Variants in PTPRD observed in about 807,000 individuals in gnomAD.
The protein encoded by PTPRD is protein tyrosine phosphatase receptor type D.
A neutral mutation model predicts 214.5 loss-of-function variants in PTPRD; 34 were observed. That is an observed-to-expected ratio of 0.16 (90% confidence interval 0.12 to 0.21). The LOEUF is 0.21. PTPRD is among the 10% of genes least tolerant of loss of function. The probability of loss-of-function intolerance (pLI) is 1.00; values close to 1 mark genes in which losing one functional copy is unlikely to be tolerated. For synonymous variants in PTPRD, 1,128 were observed against 845.7 expected (o/e 1.33, Z -5.79); for missense variants, 2,545 against 2,398.7 (o/e 1.06, Z -1.27).
At chr9:9,570,312 C>A (rs1338015946) in intron 8 of PTPRD, among the ~76,000 whole-genome samples, 1 of 151,414 alleles carries the variant, frequency 6.6e-6, no homozygotes, top group African/African-American at 2.4e-5. Context: ...CACAGTAATT[C>A]TTCAGTTTCC....
intron 6 of PTPRD, among the ~76,000 whole-genome samples, chr9:9,737,237 C>A (rs2098314862): frequency 6.6e-6 from 1 of 152,108 alleles, no homozygotes; most frequent in African/African-American, 2.4e-5. Flanking sequence ...GTGTGTTCCA[C>A]TGAACAATTT....
At chr9:9,456,755 G>C (rs1448528675) in intron 8 of PTPRD, among the ~76,000 whole-genome samples, 1 of 151,764 alleles carries the variant, frequency 6.6e-6, no homozygotes, top group African/African-American at 2.4e-5. Context: ...TAGATGGGGA[G>C]ACTGAGAAAT....
chr9:8,962,324 C>T (rs1201409718), intron 11 of PTPRD: 1 of 152,076 alleles, frequency 6.6e-6, no homozygotes, highest in Non-Finnish European at 1.5e-5. Context: ...TCTGAACAAC[C>T]CTGACAGAGA....
At chr9:9,744,696 A>G (rs1389086725) in intron 6 of PTPRD, among the ~76,000 whole-genome samples, 1 of 152,054 alleles carries the variant, frequency 6.6e-6, no homozygotes, top group Non-Finnish European at 1.5e-5. Flanking sequence ...ATAAAAGAGT[A>G]AAAGAGTAAA....
At chr9:9,817,659 G>T (rs753498531) in intron 5 of PTPRD, among the ~76,000 whole-genome samples, 1 of 152,018 alleles carries the variant, frequency 6.6e-6, no homozygotes, top group Admixed American at 6.6e-5. Context: ...TCCACCCATT[G>T]TCCACAGGGA....
intron 2 of PTPRD, among the ~76,000 whole-genome samples, chr9:10,387,532 C>T (rs1177458108): frequency 2.6e-5 from 4 of 151,794 alleles, no homozygotes; most frequent in African/African-American, 9.7e-5. Flanking sequence ...GACCTGGCCT[C>T]GCCTTTCCTC....
At chr9:10,339,041 G>C (rs1360443460) in intron 3 of PTPRD, among the ~76,000 whole-genome samples, 1 of 151,716 alleles carries the variant, frequency 6.6e-6, no homozygotes, top group Non-Finnish European at 1.5e-5. Context: ...TTACTTGCAA[G>C]ATCATAGACA....
intron 5 of PTPRD, among the ~76,000 whole-genome samples, chr9:9,798,468 T>C (rs1472881005): frequency 6.6e-6 from 1 of 152,218 alleles, no homozygotes; most frequent in Non-Finnish European, 1.5e-5. Context: ...CAGTTTCCTC[T>C]GTGTCCTTGT....
chr9:10,597,370 G>C (rs772945367), intron 2 of PTPRD, among the ~76,000 whole-genome samples: 3 of 151,682 alleles, frequency 2.0e-5, no homozygotes, highest in Non-Finnish European at 4.4e-5. Context: ...TGCTTCGAAT[G>C]AATATGCTTT....
At chr9:9,331,924 G>A (rs2042459043) in intron 9 of PTPRD, among the ~76,000 whole-genome samples, 1 of 151,956 alleles carries the variant, frequency 6.6e-6, no homozygotes, top group Non-Finnish European at 1.5e-5. Flanking sequence ...GGGGAAGTTT[G>A]GGGAAAATTA....
At position 9,071,226 on chromosome 9, in the gene PTPRD, T is replaced by C. The variant is rs189097876; in HGVS notation, c.-142-52491A>G. ...CTTTCGCCTCTACCCTGAACTTTTA[T>C]ATTCATTCCCTGTGTAATCAATGCT... On this transcript the variant is annotated intron_variant, in intron 10 of 45. Transcript: ENST00000381196. Among the ~76,000 whole-genome samples, 365 of 152,330 alleles carry C rather than the reference T, an allele frequency of 2.4e-3. 2 individuals carry two copies. Among genetic ancestry groups the C allele is most frequent in the African/African-American group, 8.2e-3 (343 of 41,588 alleles).
intron 12 of PTPRD, among the ~76,000 whole-genome samples, chr9:8,664,834 C>T (rs1317591827): frequency 6.6e-6 from 1 of 152,042 alleles, no homozygotes; most frequent in East Asian, 1.9e-4. Flanking sequence ...CTCTTGAGTC[C>T]CATGGTTTTA....
At chr9:10,006,504 T>A (rs898607817) in intron 4 of PTPRD, among the ~76,000 whole-genome samples, 8 of 152,118 alleles carry the variant, frequency 5.3e-5, no homozygotes, top group Admixed American at 2.6e-4. Flanking sequence ...AAGCTATATT[T>A]GGATCATATT....
At chr9:8,476,390 T>G (rs1296177780) in intron 30 of PTPRD, among the ~76,000 whole-genome samples, 5 of 152,108 alleles carry the variant, frequency 3.3e-5, no homozygotes, top group Admixed American at 6.5e-5. Context: ...TCCTGCTGTG[T>G]GGTCGGGTTC....
chr9:10,094,694 T>A (rs1459340230), intron 3 of PTPRD, among the ~76,000 whole-genome samples: 1 of 151,352 alleles, frequency 6.6e-6, no homozygotes, highest in Non-Finnish European at 1.5e-5. Context: ...CTGCAGAGCT[T>A]GACTTCTCAA....
At chr9:10,451,422 T>G (rs1211885958) in intron 2 of PTPRD, among the ~76,000 whole-genome samples, 3 of 151,880 alleles carry the variant, frequency 2.0e-5, no homozygotes, top group African/African-American at 7.3e-5. Flanking sequence ...TTTTTCTTTT[T>G]TAATACTCAA....
intron 7 of PTPRD, among the ~76,000 whole-genome samples, chr9:9,730,574 T>C (rs2098171124): frequency 6.6e-6 from 1 of 152,148 alleles, no homozygotes; most frequent in South Asian, 2.1e-4. Context: ...GTTTTAACTA[T>C]CTATGTATAA....
At chr9:9,213,316 T>A (rs927875925) in intron 9 of PTPRD, among the ~76,000 whole-genome samples, 9 of 152,124 alleles carry the variant, frequency 5.9e-5, no homozygotes, top group African/African-American at 1.9e-4. Context: ...GACTTGTGGT[T>A]TGGGGACAAC....
chr9:10,004,024 C>G (rs969695614), intron 4 of PTPRD, among the ~76,000 whole-genome samples: 3 of 151,490 alleles, frequency 2.0e-5, no homozygotes, highest in African/African-American at 7.3e-5. Flanking sequence ...TTTATTTAAC[C>G]CTGGTACACT....
Sources: gnomAD v4.1 joint callset for allele counts (sites outside exome capture counted in the v4.1 genomes callset) on GRCh38, gnomAD v4.1.1 for gene constraint, MANE v1.5 for transcripts, NCBI Gene and HGNC (gene_info 2026-07-23, HGNC 2026-07-21) for gene names.